PIAS1: variants seen among roughly 807,000 people sequenced by gnomAD.
PIAS1 encodes the protein E3 SUMO-protein ligase PIAS1.
In PIAS1, 6 loss-of-function variants were observed where a neutral mutation model predicts 71.3. The ratio of observed to expected loss-of-function variants is 0.08; its 90% CI spans 0.05 to 0.17. The LOEUF (loss-of-function observed/expected upper bound fraction) is 0.17, where lower values mean the gene tolerates loss of function less well. Ranked by LOEUF, PIAS1 falls within the 10% of genes least tolerant of loss-of-function variation. The pLI is 1.00. For missense variants in PIAS1, 555 were observed against 793.6 expected, an observed-to-expected ratio of 0.70 and a Z score of 3.61; for synonymous variants, 303 against 292.9, an observed-to-expected ratio of 1.03 and a Z score of -0.35.
At position 68,185,743 on chromosome 15, in the gene PIAS1, C is replaced by G. The variant is rs2093083244; in HGVS notation, c.1663-1799C>G. ...CTTTGGGAGGCCAAAGCGGGTAGAT[C>G]ATGAGGTCAGGAGTTCGAGACCAGC... is the stretch of plus-strand genomic sequence containing the variant. On this transcript the variant is annotated intron_variant, in intron 13 of 13. Transcript: ENST00000249636. This position sits in a 1 kb window ranked among gnomAD's most constrained non-coding sequence, Gnocchi z 4.4. 6.6e-6 allele frequency among the ~76,000 whole-genome samples: 1 copy of G among 152,042 alleles called. No individual in the cohort carries two copies. Among genetic ancestry groups the G allele is most frequent in the Non-Finnish European group, 1.5e-5 (1 of 68,030 alleles).
At chr15:68,135,156 C>A (rs1349150666) in intron 2 of PIAS1, among the ~76,000 whole-genome samples, 39 of 46,414 alleles carry the variant, frequency 8.4e-4, no homozygotes, top group East Asian at 2.1e-3. Flanking sequence ...GACCCCCCCA[C>A]CTCCCTCCCG....
At chr15:68,100,522 A>G (rs994640253) in intron 2 of PIAS1, among the ~76,000 whole-genome samples, 1 of 152,186 alleles carries the variant, frequency 6.6e-6, no homozygotes, top group Admixed American at 6.5e-5. Context: ...ATTCTATCAT[A>G]TAATGTAGTT....
intron 2 of PIAS1, among the ~76,000 whole-genome samples, chr15:68,106,188 A>G (rs924683643): frequency 1.3e-5 from 2 of 152,052 alleles, no homozygotes; most frequent in African/African-American, 4.8e-5. Context: ...TGTGTGTAAG[A>G]GACAGAGTGC....
chr15:68,105,490 A>G (rs1201789610), intron 2 of PIAS1, among the ~76,000 whole-genome samples: 2 of 151,954 alleles, frequency 1.3e-5, no homozygotes, highest in Non-Finnish European at 2.9e-5. Flanking sequence ...AGAATTGGAG[A>G]GTGACATTTA....
intron 11 of PIAS1, among the ~76,000 whole-genome samples, chr15:68,177,852 G>C (rs542008545): frequency 6.6e-6 from 1 of 152,198 alleles, no homozygotes; most frequent in East Asian, 1.9e-4. Flanking sequence ...TCCCTTTTTA[G>C]GTATAAAGCA....
At chr15:68,093,738 C>T (rs1488518258) in intron 2 of PIAS1, among the ~76,000 whole-genome samples, 1 of 152,094 alleles carries the variant, frequency 6.6e-6, no homozygotes, top group African/African-American at 2.4e-5. Flanking sequence ...TTTTATCATA[C>T]AGTTGTATGT....
At chr15:68,150,891 C>A (rs943547510) in intron 6 of PIAS1, among the ~76,000 whole-genome samples, 1 of 151,970 alleles carries the variant, frequency 6.6e-6, no homozygotes, top group East Asian at 1.9e-4. Flanking sequence ...AATTCAGAGT[C>A]CAAAATACTT....
intron 3 of PIAS1, 67 bp downstream of exon 3, chr15:68,142,097 T>TA: frequency 1.8e-6 from 2 of 1,122,038 alleles, no homozygotes; most frequent in Non-Finnish European, 1.3e-6. Context: ...TAAATGATTT[T>TA]AAAAAACAGT....
At chr15:68,136,087 G>T (rs1351645360) in intron 2 of PIAS1, among the ~76,000 whole-genome samples, 2 of 56,536 alleles carry the variant, frequency 3.5e-5, no homozygotes, top group South Asian at 4.5e-4. Flanking sequence ...ACGGGATGGC[G>T]GCCGGGAAGA....
At chr15:68,059,709 C>CAAAAAA (rs770069635) in intron 1 of PIAS1, among the ~76,000 whole-genome samples, 15 of 76,296 alleles carry the variant, frequency 2.0e-4, no homozygotes, top group East Asian at 4.2e-4. Context: ...CCGTCTCAAA[C>CAAAAAA]AAAAAAAAAA....
rs754066783 is a variant in PIAS1, at chr15:68,186,518, AAAG to A, written c.1663-1021_1663-1019del. Among the ~76,000 whole-genome samples the A allele has an allele frequency of 1.2e-4, 18 of 152,212 alleles. No individual in the cohort carries two copies. The highest frequency in any genetic ancestry group is 8.5e-4 in the Admixed American group (13 of 15,280). On this transcript the variant is annotated intron_variant, in intron 13 of 13. Coordinates refer to ENST00000249636, the MANE Select transcript of PIAS1 (RefSeq NM_016166.3). This position sits in a 1 kb window ranked among gnomAD's most constrained non-coding sequence, Gnocchi z 4.4. ...AGCTAATGTTAATTTATTATTGAAG[AAAG>A]AAAAATATTTTTAACACATTTAGTG...
At chr15:68,183,769 C>A in intron 13 of PIAS1, 102 bp downstream of exon 13, 1 of 574,382 alleles carries the variant, frequency 1.7e-6, no homozygotes, top group South Asian at 1.9e-5. Flanking sequence ...ATATGCATTC[C>A]ATAAGATTAT....
chr15:68,089,887 T>G (rs1437279899), intron 2 of PIAS1, among the ~76,000 whole-genome samples: 2 of 151,198 alleles, frequency 1.3e-5, no homozygotes, highest in East Asian at 3.9e-4. Context: ...TTTTATTTTA[T>G]TTTATTATTT....
chr15:68,169,694 A>C (rs1419080809), intron 8 of PIAS1, among the ~76,000 whole-genome samples: 1 of 152,232 alleles, frequency 6.6e-6, no homozygotes, highest in African/African-American at 2.4e-5. Flanking sequence ...GAGTAAAAGA[A>C]TGACTACTAA....
chr15:68,094,153 C>T lies in PIAS1; in HGVS notation c.469+7403C>T, dbSNP rs111523032. ...TGGGCTATATATATATTTGAATTTT[C>T]CTGTGCTTTTTTAAAGGTACAGTTG... On this transcript the variant is annotated intron_variant, in intron 2 of 13. Transcript: ENST00000249636. 1.6e-3 allele frequency among the ~76,000 whole-genome samples: 244 copies of T among 151,022 alleles called. 1 individual carries two copies. Among genetic ancestry groups the T allele is most frequent in the African/African-American group, 5.8e-3 (237 of 41,022 alleles).
intron 2 of PIAS1, among the ~76,000 whole-genome samples, chr15:68,132,697 G>T (rs2092696310): frequency 6.6e-6 from 1 of 152,032 alleles, no homozygotes; most frequent in Non-Finnish European, 1.5e-5. Flanking sequence ...ATAAAACTAG[G>T]GTTAAGTTCA....
At chr15:68,113,708 G>GA (rs2092540959) in intron 2 of PIAS1, among the ~76,000 whole-genome samples, 1 of 152,008 alleles carries the variant, frequency 6.6e-6, no homozygotes, top group Non-Finnish European at 1.5e-5. Context: ...AAACTCCAGA[G>GA]AAAAAAGGTG....
chr15:68,103,976 T>A (rs1412740522), intron 2 of PIAS1, among the ~76,000 whole-genome samples: 1 of 152,214 alleles, frequency 6.6e-6, no homozygotes, highest in Non-Finnish European at 1.5e-5. Flanking sequence ...TGCTGGCTCA[T>A]ATGGTAACTT....
chr15:68,168,612 CTT>C (rs920521936), intron 8 of PIAS1, among the ~76,000 whole-genome samples: 3 of 152,184 alleles, frequency 2.0e-5, no homozygotes, highest in Admixed American at 6.5e-5. Context: ...CAGCTTCTCT[CTT>C]GTTACCAAGT....
Sources: allele counts gnomAD v4.1 joint callset (sites outside exome capture counted in the v4.1 genomes callset), GRCh38; gene constraint gnomAD v4.1.1; non-coding constraint Gnocchi (gnomAD v3.1); transcripts MANE v1.5; gene names NCBI Gene and HGNC (gene_info 2026-07-23, HGNC 2026-07-21).